Variants in TRPM3 observed in about 807,000 individuals in gnomAD.
TRPM3 encodes long transient receptor potential channel 3.
A neutral mutation model predicts 181.2 loss-of-function variants in TRPM3; 77 were observed. The ratio of observed to expected loss-of-function variants is 0.42; its 90% confidence interval spans 0.35 to 0.51. The LOEUF (loss-of-function observed/expected upper bound fraction) is 0.51, where lower values mean the gene tolerates loss of function less well. Ranked by LOEUF, TRPM3 falls within the 20% of genes least tolerant of loss-of-function variation. The pLI, the probability that TRPM3 is intolerant of heterozygous loss-of-function variation, is 0.01. For missense variants in TRPM3, 1,759 were observed against 2,196.7 expected, an observed-to-expected ratio of 0.80 and a Z score of 3.98; for synonymous variants, 745 against 796.4, an observed-to-expected ratio of 0.94 and a Z score of 1.09.
chr9:71,164,681 C>T (rs2076451702), intron 1 of TRPM3, among the ~76,000 whole-genome samples: 2 of 152,030 alleles, frequency 1.3e-5, no homozygotes, highest in African/African-American at 4.8e-5. Context: ...ATTGGAACTT[C>T]GACTAAATTT....
chr9:70,781,991 AAAAC>A (rs199713468), intron 7 of TRPM3, among the ~76,000 whole-genome samples: 5,605 of 152,086 alleles, frequency 0.037, 148 homozygotes, highest in Middle Eastern at 0.085. Flanking sequence ...GTTTTCTGAA[AAAAC>A]AAACAAACAA....
At position 71,063,942 on chromosome 9, in the gene TRPM3, C is replaced by T. The variant is rs1352102423; in HGVS notation, c.177+57236G>A. On this transcript the variant is annotated intron_variant, in intron 1 of 25. Transcript: ENST00000677713. ...AGAACTAAAGGGCACCATGGCATGC[C>T]TATTGGAATGAGTCAAATTAGGTTG... 3.9e-5 allele frequency among the ~76,000 whole-genome samples: 6 copies of T among 151,962 alleles called. No homozygotes were observed. The East Asian group carries it at 1.2e-3, about 30-fold the overall frequency.
intron 1 of TRPM3, among the ~76,000 whole-genome samples, chr9:71,299,493 G>C (rs1225531007): frequency 6.7e-6 from 1 of 148,762 alleles, no homozygotes; most frequent in Non-Finnish European, 1.5e-5. Flanking sequence ...GAAAATAAAA[G>C]AGAAAAAGAT....
intron 1 of TRPM3, among the ~76,000 whole-genome samples, chr9:70,921,942 A>ACACACACACACACACACAC (rs1554770509): frequency 1.4e-5 from 2 of 139,394 alleles, no homozygotes; most frequent in African/African-American, 5.5e-5. Context: ...CACACAAACA[A>ACACACACACACACACACAC]ACACACACAC....
chr9:70,678,380 G>C (rs1278205268), intron 9 of TRPM3, among the ~76,000 whole-genome samples: 1 of 151,934 alleles, frequency 6.6e-6, no homozygotes, highest in African/African-American at 2.4e-5. Context: ...TGCTACTCCC[G>C]CCTCAACCTC....
At chr9:71,138,638 T>C (rs1344112802) in intron 1 of TRPM3, among the ~76,000 whole-genome samples, 1 of 152,202 alleles carries the variant, frequency 6.6e-6, no homozygotes, top group Non-Finnish European at 1.5e-5. Flanking sequence ...AAATTATATT[T>C]CAATATGGTT....
chr9:70,898,439 A>C (rs1053648743), intron 1 of TRPM3, among the ~76,000 whole-genome samples: 2 of 150,822 alleles, frequency 1.3e-5, no homozygotes, highest in African/African-American at 4.9e-5. Context: ...ATTTAAAAGT[A>C]AATGTTTTTG....
chr9:71,358,342 G>A (rs1487516977), intron 1 of TRPM3, among the ~76,000 whole-genome samples: 3 of 152,098 alleles, frequency 2.0e-5, no homozygotes, highest in African/African-American at 4.8e-5. Flanking sequence ...ACATAGATCT[G>A]TTAACTCTAG....
intron 1 of TRPM3, among the ~76,000 whole-genome samples, chr9:71,144,823 T>A (rs1185352639): frequency 6.6e-6 from 1 of 152,142 alleles, no homozygotes; most frequent in East Asian, 1.9e-4. Flanking sequence ...AATATAATAA[T>A]TTTAATGGAA....
At chr9:70,614,876 A>G (rs1377207172) in intron 18 of TRPM3, among the ~76,000 whole-genome samples, 2 of 152,226 alleles carry the variant, frequency 1.3e-5, no homozygotes, top group Non-Finnish European at 2.9e-5. Context: ...GGACAAAACT[A>G]TGGTGAGATT....
intron 14 of TRPM3, among the ~76,000 whole-genome samples, chr9:70,622,531 G>A (rs1414275394): frequency 2.6e-5 from 4 of 151,338 alleles, no homozygotes; most frequent in African/African-American, 9.8e-5. Context: ...TGGTGGCAAA[G>A]GTGCTTAATA....
rs1381437009 is a variant in TRPM3, at chr9:71,420,681, A to G, written c.183+25972T>C. Among the ~76,000 whole-genome samples the G allele has an allele frequency of 4.7e-4, 42 of 88,894 alleles. 2 individuals carry two copies. The highest frequency in any genetic ancestry group is 8.0e-4 in the Non-Finnish European group (35 of 43,944). 58.3% of individuals were successfully genotyped at this position (88,894 alleles called of 152,430 possible). On this transcript the variant is annotated intron_variant, in intron 1 of 24. Coordinates refer to the TRPM3 transcript ENST00000357533. ...AAAAAGAGAAAGAAAGAGAGAAAGA[A>G]AGAGAAAGGGAAAGAGAAAGAGAGA... is the stretch of plus-strand genomic sequence containing the variant.
At chr9:70,636,771 TC>T (rs1437086086) in intron 11 of TRPM3, among the ~76,000 whole-genome samples, 1 of 148,566 alleles carries the variant, frequency 6.7e-6, no homozygotes, top group Non-Finnish European at 1.5e-5. Flanking sequence ...CACTGCAACC[TC>T]CACCTCCAGG....
intron 1 of TRPM3, among the ~76,000 whole-genome samples, chr9:71,144,126 T>A (rs939815912): frequency 3.3e-5 from 5 of 152,206 alleles, no homozygotes; most frequent in African/African-American, 1.2e-4. Context: ...TAAACCATAA[T>A]ATTCCTTACA....
chr9:70,689,143 A>T (rs2067787311), intron 8 of TRPM3, among the ~76,000 whole-genome samples: 1 of 152,190 alleles, frequency 6.6e-6, no homozygotes, highest in African/African-American at 2.4e-5. Context: ...ACAAGAGTCT[A>T]CTGAACACTC....
In TRPM3 at chr9:71,099,069, C is replaced by A. The variant is rs1019005109; in HGVS notation, c.177+22109G>T. ...TAGCTGATGTCTTAGTCCATCTGGGCTGCTACAACAAAATACTGTAAACTA... is the reference window on the plus strand; with the variant it reads ...TAGCTGATGTCTTAGTCCATCTGGGATGCTACAACAAAATACTGTAAACTA... On this transcript the variant is annotated intron_variant, in intron 1 of 25. Coordinates refer to ENST00000677713, the MANE Select transcript of TRPM3 (RefSeq NM_001366145.2). Among the ~76,000 whole-genome samples the A allele has an allele frequency of 1.1e-4, 17 of 152,124 alleles. 1 individual carries two copies. The highest frequency in any genetic ancestry group is 1.1e-3 in the Admixed American group (17 of 15,260).
At chr9:71,182,391 C>T (rs944684095) in intron 1 of TRPM3, among the ~76,000 whole-genome samples, 37 of 151,990 alleles carry the variant, frequency 2.4e-4, no homozygotes, top group African/African-American at 8.5e-4. Flanking sequence ...GGTTTCAAAC[C>T]AATGAAAGGA....
At chr9:70,924,108 G>C (rs1488125969) in intron 1 of TRPM3, among the ~76,000 whole-genome samples, 4 of 151,798 alleles carry the variant, frequency 2.6e-5, no homozygotes, top group Admixed American at 2.0e-4. Context: ...AGACATTTTT[G>C]GTTGTTCCTT....
At chr9:71,139,120 C>T (rs2074947182) in intron 1 of TRPM3, among the ~76,000 whole-genome samples, 1 of 152,156 alleles carries the variant, frequency 6.6e-6, no homozygotes, top group Non-Finnish European at 1.5e-5. Context: ...TCACTAAATA[C>T]ATGCTATTTT....
Sources: gnomAD v4.1 joint callset for allele counts (sites outside exome capture counted in the v4.1 genomes callset) on GRCh38, gnomAD v4.1.1 for gene constraint, MANE v1.5 for transcripts, NCBI Gene and HGNC (gene_info 2026-07-23, HGNC 2026-07-21) for gene names.